Variants in VPS13B observed in about 807,000 individuals in gnomAD.
VPS13B encodes intermembrane lipid transfer protein VPS13B.
Under a neutral mutation model 426.4 loss-of-function variants are expected in VPS13B, and 285 were observed. The ratio of observed to expected loss-of-function variants is 0.67; its 90% CI spans 0.61 to 0.74. The LOEUF (loss-of-function observed/expected upper bound fraction) is 0.74. VPS13B is among the 30% of genes least tolerant of loss of function. The pLI, the probability that VPS13B is intolerant of heterozygous loss-of-function variation, is 0.00. For missense variants in VPS13B, 4,537 were observed against 4,782.6 expected (o/e 0.95, Z 1.51); for synonymous variants, 1,676 against 1,676.4 (o/e 1.00, Z 0.01).
At chr8:99,434,563 A>G (rs1817276389) in intron 22 of VPS13B, among the ~76,000 whole-genome samples, 1 of 152,224 alleles carries the variant, frequency 6.6e-6, no homozygotes, top group Non-Finnish European at 1.5e-5. Flanking sequence ...ATTAATCACT[A>G]TAAGAAATAC....
intron 39 of VPS13B, among the ~76,000 whole-genome samples, chr8:99,763,135 C>CAAAAAAA (rs750289763): frequency 5.0e-4 from 18 of 35,838 alleles, no homozygotes; most frequent in East Asian, 1.4e-3. Context: ...GACCTTGTCT[C>CAAAAAAA]AAAAAAAAAA....
intron 30 of VPS13B, among the ~76,000 whole-genome samples, chr8:99,547,021 A>C (rs1824017486): frequency 6.6e-6 from 1 of 152,100 alleles, no homozygotes; most frequent in Non-Finnish European, 1.5e-5. Flanking sequence ...TGGGGACCTT[A>C]TCTGTGCTCA....
At chr8:99,783,123 G>A (rs1339145669) in intron 42 of VPS13B, among the ~76,000 whole-genome samples, 2 of 152,100 alleles carry the variant, frequency 1.3e-5, no homozygotes, top group Non-Finnish European at 2.9e-5. Context: ...ACCCTAATGG[G>A]TACAAGTCTG....
At chr8:99,791,861 C>T (rs1812553510) in intron 43 of VPS13B, among the ~76,000 whole-genome samples, 1 of 151,950 alleles carries the variant, frequency 6.6e-6, no homozygotes, top group Non-Finnish European at 1.5e-5. Context: ...AGGGCAACTG[C>T]AGTCACGGCA....
intron 21 of VPS13B, among the ~76,000 whole-genome samples, chr8:99,406,344 A>G (rs1563712185): frequency 6.6e-6 from 1 of 152,100 alleles, no homozygotes; most frequent in Non-Finnish European, 1.5e-5. Flanking sequence ...TATGTATTAA[A>G]TACTTGTTGC....
At chr8:99,397,376 C>T (rs1814791662) in intron 21 of VPS13B, among the ~76,000 whole-genome samples, 1 of 152,170 alleles carries the variant, frequency 6.6e-6, no homozygotes, top group Non-Finnish European at 1.5e-5. Flanking sequence ...ATCTCTTGAC[C>T]TCGTGATCTG....
rs551625361 is a variant in VPS13B, at chr8:99,199,695, T to G, written c.2515+6638T>G. 2.6e-5 allele frequency among the ~76,000 whole-genome samples: 4 copies of G among 152,280 alleles called. No individual in the cohort carries two copies. In the East Asian group the frequency reaches 7.7e-4, roughly 29 times the overall value. On this transcript the variant is annotated intron_variant, in intron 17 of 61. Transcript: ENST00000357162. Reference sequence around the variant, plus strand: ...TCCTCTCTTCTTTGAGCACTAGCTTTATTTTAACATTAGTCTTTTTCCTTT... The same window carrying G: ...TCCTCTCTTCTTTGAGCACTAGCTTGATTTTAACATTAGTCTTTTTCCTTT...
At chr8:99,587,961 C>T (rs1377978342) in intron 33 of VPS13B, among the ~76,000 whole-genome samples, 77 of 151,668 alleles carry the variant, frequency 5.1e-4, no homozygotes, top group Non-Finnish European at 7.2e-4. Flanking sequence ...TTAGGTCTAA[C>T]GTTTAAGTCT....
chr8:99,571,102 A>G (rs570248963), intron 31 of VPS13B, among the ~76,000 whole-genome samples: 1 of 152,132 alleles, frequency 6.6e-6, no homozygotes, highest in African/African-American at 2.4e-5. Flanking sequence ...TCATTTAAAA[A>G]TCCTTGCCTT....
intron 19 of VPS13B, among the ~76,000 whole-genome samples, chr8:99,360,174 CTTTCTTTCTT>C (rs1289257894): frequency 5.4e-5 from 2 of 37,088 alleles, no homozygotes; most frequent in South Asian, 2.8e-3. Flanking sequence ...TTCTTTCTTT[CTTTCTTTCTT>C]TCTTTCTCTC....
chr8:99,593,582 C>T (rs1826810968), intron 33 of VPS13B, among the ~76,000 whole-genome samples: 3 of 151,974 alleles, frequency 2.0e-5, no homozygotes, highest in African/African-American at 7.2e-5. Context: ...AATATAAATC[C>T]TTCTGTTATA....
chr8:99,565,662 G>A (rs1825141633), intron 31 of VPS13B, among the ~76,000 whole-genome samples: 1 of 152,054 alleles, frequency 6.6e-6, no homozygotes, highest in Admixed American at 6.5e-5. Context: ...CCCCAGCATA[G>A]TTTGATTAGT....
In VPS13B at chr8:99,096,881, C is replaced by T. The variant is rs563152747; in HGVS notation, c.412+449C>T. On this transcript the variant is annotated intron_variant, in intron 4 of 61. Coordinates refer to ENST00000357162, the MANE Select transcript of VPS13B (RefSeq NM_152564.5). ...ACATGACTTCAGAACAAATTGGGTCCTGGGATTACAGGTGTAAACCACTGT... is the reference window on the plus strand; with the variant it reads ...ACATGACTTCAGAACAAATTGGGTCTTGGGATTACAGGTGTAAACCACTGT... Among the ~76,000 whole-genome samples, 8 of 152,138 alleles carry T rather than the reference C, an allele frequency of 5.3e-5. No individual in the cohort carries two copies. The South Asian group carries it at 1.7e-3, about 32-fold the overall frequency.
chr8:99,329,925 AG>A (rs1810467779), intron 19 of VPS13B, among the ~76,000 whole-genome samples: 1 of 152,004 alleles, frequency 6.6e-6, no homozygotes, highest in African/African-American at 2.4e-5. Context: ...GATATTCTGT[AG>A]TATCCCTGAC....
intron 39 of VPS13B, among the ~76,000 whole-genome samples, chr8:99,730,097 A>G (rs997247988): frequency 2.0e-5 from 3 of 152,228 alleles, no homozygotes; most frequent in Non-Finnish European, 4.4e-5. Flanking sequence ...TGGGCAGTTC[A>G]CTTATAGCTG....
rs199756383 is a variant in VPS13B, at chr8:99,423,437, T to TG, written c.3083-8100_3083-8099insG. Among the ~76,000 whole-genome samples the TG allele has an allele frequency of 8.9e-3, 1,349 of 151,362 alleles. 24 individuals are homozygous for TG. Among genetic ancestry groups the TG allele is most frequent in the African/African-American group, 0.031 (1,262 of 41,218 alleles). On this transcript the variant is annotated intron_variant, in intron 21 of 61. Coordinates refer to ENST00000357162, the MANE Select transcript of VPS13B (RefSeq NM_152564.5). ...ACATCTAGCTAATTTTTTTTTTTTT[T>TG]TTGTATTTTTAGTAGAGAGGTGGTT...
At chr8:99,693,910 A>G in intron 35 of VPS13B, among the ~76,000 whole-genome samples, 1 of 133,982 alleles carries the variant, frequency 7.5e-6, no homozygotes, top group African/African-American at 2.9e-5. Flanking sequence ...CAACAGACAA[A>G]CAGAGAGCCA....
At chr8:99,451,071 T>C (rs1388580122) in intron 23 of VPS13B, among the ~76,000 whole-genome samples, 2 of 152,182 alleles carry the variant, frequency 1.3e-5, no homozygotes, top group Non-Finnish European at 2.9e-5. Flanking sequence ...AAATGAGACC[T>C]CTTTATTTAT....
At chr8:99,631,035 T>G (rs761719408) in intron 33 of VPS13B, among the ~76,000 whole-genome samples, 11 of 152,122 alleles carry the variant, frequency 7.2e-5, no homozygotes, top group Non-Finnish European at 1.5e-4. Flanking sequence ...ACATTAAAAA[T>G]GTTATGATGC....
Sources: allele counts gnomAD v4.1 joint callset (sites outside exome capture counted in the v4.1 genomes callset), GRCh38; gene constraint gnomAD v4.1.1; transcripts MANE v1.5; gene names NCBI Gene and HGNC (gene_info 2026-07-23, HGNC 2026-07-21).